ASIC5: variants seen among roughly 807,000 people sequenced by gnomAD.
ASIC5 encodes bile acid-sensitive ion channel.
A neutral mutation model predicts 51.2 loss-of-function variants in ASIC5; 52 were observed. The ratio of observed to expected loss-of-function variants is 1.02; its 90% CI spans 0.81 to 1.28. The LOEUF (loss-of-function observed/expected upper bound fraction) is 1.28. Ranked by LOEUF, ASIC5 falls within the 50% of genes most tolerant of loss-of-function variation. The pLI, the probability that ASIC5 is intolerant of heterozygous loss-of-function variation, is 0.00. For missense variants in ASIC5, 635 were observed against 595.0 expected (o/e 1.07, Z -0.70); for synonymous variants, 231 against 200.7 (o/e 1.15, Z -1.28).
At chr4:155,857,632 C>T (rs935800682) in intron 2 of ASIC5, among the ~76,000 whole-genome samples, 1 of 152,054 alleles carries the variant, frequency 6.6e-6, no homozygotes, top group African/African-American at 2.4e-5. Flanking sequence ...ATCAATGGTT[C>T]TAAATGTACT....
intron 8 of ASIC5, among the ~76,000 whole-genome samples, chr4:155,835,047 C>T (rs978961430): frequency 2.6e-5 from 4 of 152,166 alleles, no homozygotes; most frequent in Non-Finnish European, 4.4e-5. Context: ...ACCCATCCTT[C>T]GAGCCCGTGT....
chr4:155,853,036 T>C (rs1273645281), intron 3 of ASIC5, among the ~76,000 whole-genome samples: 1 of 152,040 alleles, frequency 6.6e-6, no homozygotes, highest in Non-Finnish European at 1.5e-5. Context: ...TCAGCATTTT[T>C]TGAAGCCAGA....
chr4:155,862,669 C>A (rs534493146), intron 2 of ASIC5, among the ~76,000 whole-genome samples: 1 of 152,118 alleles, frequency 6.6e-6, no homozygotes, highest in African/African-American at 2.4e-5. Flanking sequence ...AAGACACTGG[C>A]AGTAGAGCAT....
chr4:155,836,802 G>C lies in ASIC5; in HGVS notation c.1122C>G (p.Pro374=). Residue 374 remains proline (P), a synonymous_variant, in exon 8 of 10, where the codon CCC becomes CCG. Coordinates refer to ENST00000537611, the MANE Select transcript of ASIC5 (RefSeq NM_017419.3). ...CTVGTHNSSC[P]VSCEEIEYPA... is the part of the protein sequence containing the mutation. ...GGTATTCTATTTCTTCACAAGAAAC[G>C]GGGCAGCTAGAGTTATGTGTTCCTA... is the stretch of plus-strand genomic sequence containing the variant. The C allele has an allele frequency of 6.2e-7, 1 of 1,608,616 alleles. No homozygotes were observed. The highest frequency in any genetic ancestry group is 8.5e-7 in the Non-Finnish European group (1 of 1,175,194).
At chr4:155,859,002 A>G (rs568096032) in intron 2 of ASIC5, 4 of 152,118 alleles carry the variant, frequency 2.6e-5, no homozygotes, top group African/African-American at 7.2e-5. Context: ...TTCATTTTAC[A>G]GTAAGGATCT....
chr4:155,836,949 T>C, intron 7 of ASIC5, 92 bp from the exon 8 acceptor site: 3 of 992,424 alleles, frequency 3.0e-6, no homozygotes, highest in Non-Finnish European at 1.5e-6. Flanking sequence ...TCACTTTCAA[T>C]ATTAAAAAAA....
At position 155,836,716 on chromosome 4, in the gene ASIC5, T is replaced by C; in HGVS notation, c.1208A>G (p.Lys403Arg). 2 of 1,610,288 alleles carry C rather than the reference T, an allele frequency of 1.2e-6. No homozygotes were observed. The highest frequency in any genetic ancestry group is 1.1e-5 in the South Asian group (1 of 90,606). The change falls in exon 8 of 10, where the codon AAG becomes AGG. Residue 403 changes from lysine to arginine, a missense_variant. Coordinates refer to ENST00000537611, the MANE Select transcript of ASIC5 (RefSeq NM_017419.3). ...SQKALKYLSK[K>R]LNQSRKYIRE... ...GATGTATTTCCGGCTTTGATTCAACTTCTTGGAAAGATATTTCAAAGCTTT... is the reference window on the plus strand; with the variant it reads ...GATGTATTTCCGGCTTTGATTCAACCTCTTGGAAAGATATTTCAAAGCTTT...
chr4:155,835,031 C>T (rs937764515), intron 8 of ASIC5, among the ~76,000 whole-genome samples: 8 of 152,142 alleles, frequency 5.3e-5, no homozygotes, highest in Non-Finnish European at 1.0e-4. Flanking sequence ...CTCAATAAAA[C>T]CTTGCACCCA....
At chr4:155,861,183 T>C (rs1425580796) in intron 2 of ASIC5, among the ~76,000 whole-genome samples, 1 of 151,968 alleles carries the variant, frequency 6.6e-6, no homozygotes, top group Admixed American at 6.6e-5. Flanking sequence ...TGGTCCATTC[T>C]AAGAGAATGT....
At chr4:155,852,619 T>A (rs1476159230) in intron 3 of ASIC5, among the ~76,000 whole-genome samples, 1 of 152,048 alleles carries the variant, frequency 6.6e-6, no homozygotes, top group Admixed American at 6.6e-5. Flanking sequence ...CATGTTTTTA[T>A]CTGTGGAGCA....
At chr4:155,845,631 T>C (rs1025701231) in intron 4 of ASIC5, among the ~76,000 whole-genome samples, 1 of 152,074 alleles carries the variant, frequency 6.6e-6, no homozygotes, top group African/African-American at 2.4e-5. Context: ...ATGTGAGCTC[T>C]GCCCAGAGCT....
chr4:155,848,143 AG>A (rs1179153942), intron 4 of ASIC5, among the ~76,000 whole-genome samples: 1 of 152,012 alleles, frequency 6.6e-6, no homozygotes, highest in East Asian at 1.9e-4. Context: ...CCTCTCTCAA[AG>A]AATGAAGTTT....
chr4:155,850,497 A>G (rs991829334), intron 4 of ASIC5, among the ~76,000 whole-genome samples: 2 of 151,988 alleles, frequency 1.3e-5, no homozygotes, highest in African/African-American at 2.4e-5. Context: ...TGGCAAATAA[A>G]CTTTCTAAAA....
intron 5 of ASIC5, 124 bp downstream of exon 5, chr4:155,843,557 G>T: frequency 9.4e-7 from 1 of 1,064,758 alleles, no homozygotes; most frequent in Non-Finnish European, 1.4e-6. Flanking sequence ...AATCTGAAAT[G>T]AAATTTTGGA....
intron 8 of ASIC5, among the ~76,000 whole-genome samples, chr4:155,835,355 C>T (rs1039015457): frequency 6.7e-6 from 1 of 149,080 alleles, no homozygotes; most frequent in African/African-American, 2.5e-5. Flanking sequence ...CACCCTGTTG[C>T]ACATTTTGCA....
At chr4:155,856,886 TTACTATACATATGGGAGCAATGA>T (rs1741555959) in intron 2 of ASIC5, among the ~76,000 whole-genome samples, 1 of 151,956 alleles carries the variant, frequency 6.6e-6, no homozygotes, top group Non-Finnish European at 1.5e-5. Context: ...AATAAAGGAA[TTACTATACATATGGGAGCAATGA>T]ATACAATCTA....
intron 1 of ASIC5, among the ~76,000 whole-genome samples, chr4:155,864,162 C>A (rs1741796783): frequency 6.6e-6 from 1 of 152,118 alleles, no homozygotes; most frequent in African/African-American, 2.4e-5. Flanking sequence ...CTCTGACAGT[C>A]CTAAGTATGG....
At chr4:155,852,397 TA>T in intron 3 of ASIC5, 81 bp from the exon 4 acceptor site, 2 of 1,255,238 alleles carry the variant, frequency 1.6e-6, no homozygotes, top group Non-Finnish European at 2.2e-6. Context: ...CCTTTTTTTT[TA>T]AAGCACAAAT....
In ASIC5 at chr4:155,840,506, A is replaced by G. The variant is rs181702318; in HGVS notation, c.1010-1637T>C. 4.4e-3 allele frequency among the ~76,000 whole-genome samples: 650 copies of G among 147,090 alleles called. 4 individuals are homozygous for G. The highest frequency in any genetic ancestry group is 0.015 in the African/African-American group (626 of 40,534). ...TACATATTTTATATTTATATTTTAT[A>G]TATTTTTTACTTTTATTATTACATT... On this transcript the variant is annotated intron_variant, in intron 6 of 9. Transcript: ENST00000537611.
Sources: allele counts gnomAD v4.1 joint callset (sites outside exome capture counted in the v4.1 genomes callset), GRCh38; gene constraint gnomAD v4.1.1; transcripts MANE v1.5; gene names NCBI Gene and HGNC (gene_info 2026-07-23, HGNC 2026-07-21).